Variants in MICU3 observed in about 807,000 individuals in gnomAD.
MICU3 encodes calcium uptake protein 3, mitochondrial.
In MICU3, 62 loss-of-function variants were observed where a neutral mutation model predicts 66.5. The ratio of observed to expected loss-of-function variants is 0.93; its 90% confidence interval spans 0.76 to 1.15. The LOEUF (loss-of-function observed/expected upper bound fraction) is 1.15. Among genes scored for constraint, MICU3 ranks in the 50% most tolerant of loss-of-function variants. The probability of loss-of-function intolerance (pLI) is 0.00; values close to 1 mark genes in which losing one functional copy is unlikely to be tolerated. For synonymous variants in MICU3, 308 were observed against 240.7 expected, an observed-to-expected ratio of 1.28 and a Z score of -2.59; for missense variants, 779 against 664.4, an observed-to-expected ratio of 1.17 and a Z score of -1.90.
rs114097393 is a variant in MICU3, at chr8:17,076,353, C to A, written c.568-1430C>A. Among the ~76,000 whole-genome samples the A allele has an allele frequency of 3.8e-3, 580 of 152,238 alleles. 4 individuals carry two copies. Among genetic ancestry groups the A allele is most frequent in the African/African-American group, 0.013 (545 of 41,548 alleles). The stretch of plus-strand genomic sequence containing the variant: ...TCCCACCCAGAATGTTTTATTTAAT[C>A]TCTCAATCTAACAAAAATATTTGAG... On this transcript the variant is annotated intron_variant, in intron 3 of 14. Coordinates refer to ENST00000318063, the MANE Select transcript of MICU3 (RefSeq NM_181723.3).
chr8:17,060,884 T>C (rs1201586219), intron 1 of MICU3, among the ~76,000 whole-genome samples: 3 of 151,926 alleles, frequency 2.0e-5, no homozygotes, highest in Non-Finnish European at 4.4e-5. Flanking sequence ...AATAGAAATG[T>C]GGGCCCGCAC....
At chr8:17,087,062 G>A (rs372387819) in intron 7 of MICU3, 27 bp downstream of exon 7, 10 of 1,473,044 alleles carry the variant, frequency 6.8e-6, no homozygotes, top group Admixed American at 5.4e-5. Context: ...GTAGCTTTAG[G>A]TGGCTTTTGT....
intron 1 of MICU3, chr8:17,049,554 G>T: frequency 1.9e-6 from 1 of 514,520 alleles, no homozygotes; most frequent in Non-Finnish European, 3.9e-6. Context: ...AAAGTTTGCA[G>T]AAAGTTAAGT....
At chr8:17,086,459 T>C (rs1191948386) in intron 6 of MICU3, among the ~76,000 whole-genome samples, 1 of 152,102 alleles carries the variant, frequency 6.6e-6, no homozygotes, top group Non-Finnish European at 1.5e-5. Context: ...TTCATTCCAG[T>C]GCTTTGCAGA....
intron 9 of MICU3, among the ~76,000 whole-genome samples, chr8:17,101,208 C>T (rs1801225601): frequency 6.6e-6 from 1 of 151,440 alleles, no homozygotes; most frequent in Non-Finnish European, 1.5e-5. Flanking sequence ...ATAAATGGCC[C>T]ATGGGGTTCT....
chr8:17,085,397 G>A (rs2150739311), intron 6 of MICU3, 79 bp downstream of exon 6: 1 of 885,654 alleles, frequency 1.1e-6, no homozygotes, highest in Non-Finnish European at 1.8e-6. Context: ...CTTATTGGGA[G>A]TACTACTGTA....
At chr8:17,097,537 G>C (rs528247892) in intron 8 of MICU3, among the ~76,000 whole-genome samples, 3 of 151,696 alleles carry the variant, frequency 2.0e-5, no homozygotes, top group African/African-American at 7.2e-5. Context: ...ATAATTCCTA[G>C]ATGCATATAA....
chr8:17,119,064 AAAAT>A (rs1292482991), intron 14 of MICU3, among the ~76,000 whole-genome samples: 1 of 152,148 alleles, frequency 6.6e-6, no homozygotes, highest in African/African-American at 2.4e-5. Context: ...GCATCCACAG[AAAAT>A]AACAGCTTAT....
chr8:17,137,106 A>G, the MICU3 span, among the ~76,000 whole-genome samples: 1 of 152,042 alleles, frequency 6.6e-6, no homozygotes, highest in African/African-American at 2.4e-5. Flanking sequence ...TACAGGCGTG[A>G]GCCACCACTC....
Position 17,073,001 on chromosome 8 carries a change from C to T in MICU3, c.567+3282C>T, listed in dbSNP as rs148961900. ...TGCCTCCTGGGCTCAAGTGATCCCC[C>T]TACCTCAGCCTCCTGAGTAGCTGGG... On this transcript the variant is annotated intron_variant, in intron 3 of 14. Transcript: ENST00000318063. Among the ~76,000 whole-genome samples, 424 of 152,252 alleles carry T rather than the reference C, an allele frequency of 2.8e-3. 4 individuals carry two copies. Among genetic ancestry groups the T allele is most frequent in the African/African-American group, 0.01 (416 of 41,562 alleles).
At chr8:17,028,344 A>T (rs7818771) in intron 1 of MICU3, among the ~76,000 whole-genome samples, 45,828 of 152,116 alleles carry the variant, frequency 0.3, 8,024 homozygotes, top group East Asian at 0.57. Flanking sequence ...TGAATGACAC[A>T]AACTCCTACA....
chr8:17,042,539 T>C (rs1367930954), intron 1 of MICU3, among the ~76,000 whole-genome samples: 1 of 152,222 alleles, frequency 6.6e-6, no homozygotes, highest in Non-Finnish European at 1.5e-5. Flanking sequence ...TATTCTCTGA[T>C]GTATTGATAT....
At chr8:17,060,429 T>C (rs767198753) in intron 1 of MICU3, among the ~76,000 whole-genome samples, 1 of 151,950 alleles carries the variant, frequency 6.6e-6, no homozygotes, top group Non-Finnish European at 1.5e-5. Context: ...TGCCTCAGCC[T>C]CCCAAGTAGC....
chr8:17,132,869 T>C, the MICU3 span: 63 of 152,152 alleles, frequency 4.1e-4, no homozygotes, highest in African/African-American at 1.5e-3. Context: ...TATTAAGAAA[T>C]GGGGCCTTTA....
intron 3 of MICU3, among the ~76,000 whole-genome samples, chr8:17,069,947 CAT>C (rs763168834): frequency 1.2e-3 from 185 of 151,940 alleles, no homozygotes; most frequent in Non-Finnish European, 5.9e-4. Flanking sequence ...TGGTAAATCT[CAT>C]GTGTTGGTAT....
rs866322728 is a variant in MICU3 at position 17,073,249 on chromosome 8, C to T, written c.567+3530C>T. On this transcript the variant is annotated intron_variant, in intron 3 of 14. Transcript: ENST00000318063. ...CCTATATATCAGATCGCCCCCTTCC[C>T]GTGAAGCTTCGTCTGTATTTACAGC... Among the ~76,000 whole-genome samples the T allele has an allele frequency of 3.9e-5, 6 of 152,136 alleles. No individual in the cohort carries two copies. In the South Asian group the frequency reaches 1.0e-3, roughly 26 times the overall value.
At chr8:17,084,560 G>A (rs1244703845) in intron 5 of MICU3, among the ~76,000 whole-genome samples, 9 of 152,088 alleles carry the variant, frequency 5.9e-5, no homozygotes. Flanking sequence ...GCTCTTTGAA[G>A]GACACTTTCA....
intron 2 of MICU3, among the ~76,000 whole-genome samples, chr8:17,067,812 T>C (rs942527656): frequency 6.6e-6 from 1 of 152,176 alleles, no homozygotes; most frequent in African/African-American, 2.4e-5. Flanking sequence ...TCATAGCCAT[T>C]ATTTTTGAAA....
At chr8:17,085,215 C>A in intron 5 of MICU3, 21 bp from the exon 6 acceptor site, 2 of 1,546,330 alleles carry the variant, frequency 1.3e-6, no homozygotes, top group Non-Finnish European at 8.8e-7. Flanking sequence ...TTGTGAATAC[C>A]TTCTCTGTTT....
Sources: allele counts gnomAD v4.1 joint callset (sites outside exome capture counted in the v4.1 genomes callset), GRCh38; gene constraint gnomAD v4.1.1; transcripts MANE v1.5; gene names NCBI Gene and HGNC (gene_info 2026-07-23, HGNC 2026-07-21).